GYPB: variants seen among roughly 807,000 people sequenced by gnomAD.
GYPB encodes the protein glycophorin B (MNS blood group).
A neutral mutation model predicts 15.3 loss-of-function variants in GYPB; 13 were observed. That is an observed-to-expected ratio of 0.85 (90% confidence interval 0.55 to 1.35). The LOEUF is 1.35. GYPB is among the 40% of genes most tolerant of loss of function. GYPB has a pLI of 0.00. For synonymous variants in GYPB, 38 were observed against 36.9 expected (o/e 1.03, Z -0.11); for missense variants, 131 against 108.3 (o/e 1.21, Z -0.93).
chr4:143,996,152 A>G lies in GYPB; in HGVS notation c.*147T>C. The G allele has an allele frequency of 2.0e-6, 3 of 1,508,544 alleles. No homozygotes were observed. Among genetic ancestry groups the G allele is most frequent in the Non-Finnish European group, 2.7e-6 (3 of 1,121,052 alleles). 93.4% of individuals were successfully genotyped at this position (1,508,544 alleles called of 1,614,324 possible). On this transcript the variant is annotated 3_prime_UTR_variant, in exon 5 of 5. Transcript: ENST00000502664. The stretch of plus-strand genomic sequence containing the variant: ...TTTATTTAGAAGTAGAGAATACAGT[A>G]ATAGTGAGGCAGGAGAACAGGGAAT...
At chr4:144,008,903 A>G (rs1271767582) in intron 1 of GYPB, among the ~76,000 whole-genome samples, 2 of 151,406 alleles carry the variant, frequency 1.3e-5, no homozygotes, top group Non-Finnish European at 2.9e-5. Context: ...GGTAATATAG[A>G]TTAATATATG....
At chr4:144,000,971 TA>T in intron 2 of GYPB, among the ~76,000 whole-genome samples, 1 of 151,374 alleles carries the variant, frequency 6.6e-6, no homozygotes, top group East Asian at 1.9e-4. Flanking sequence ...CACATTGTTT[TA>T]ATTTCTTTAA....
At chr4:143,996,890 T>C (rs1209503913) in intron 4 of GYPB, among the ~76,000 whole-genome samples, 13 of 151,016 alleles carry the variant, frequency 8.6e-5, no homozygotes. Flanking sequence ...GCAAAAGTTT[T>C]ATTTTATTTT....
intron 2 of GYPB, 88 bp downstream of exon 2, chr4:144,001,097 T>G (rs1258191026): frequency 3.4e-5 from 54 of 1,604,558 alleles, no homozygotes; most frequent in Non-Finnish European, 4.2e-5. Context: ...GTTTGTCAGT[T>G]TCTCTGCAGT....
At chr4:144,001,983 A>AG (rs932561756) in intron 1 of GYPB, among the ~76,000 whole-genome samples, 3 of 149,634 alleles carry the variant, frequency 2.0e-5, no homozygotes, top group Non-Finnish European at 3.0e-5. Context: ...AAAAAAAAAA[A>AG]AAAAAACCAC....
intron 1 of GYPB, chr4:144,002,595 C>G: frequency 7.8e-7 from 1 of 1,287,150 alleles, no homozygotes; most frequent in Non-Finnish European, 1.0e-6. Flanking sequence ...TGGAGACATT[C>G]AAATGAGGGG....
chr4:144,006,010 A>C (rs4582111), intron 1 of GYPB, among the ~76,000 whole-genome samples: 147,279 of 150,694 alleles, frequency 0.98, 72,227 homozygotes, highest in South Asian at 1. Context: ...ATAAGAGTTT[A>C]ATGATTAAGT....
At chr4:144,001,848 A>G (rs968725690) in intron 1 of GYPB, among the ~76,000 whole-genome samples, 2 of 150,784 alleles carry the variant, frequency 1.3e-5, no homozygotes, top group Non-Finnish European at 2.9e-5. Flanking sequence ...TACTTCTTCA[A>G]TAAAAGTGGA....
intron 1 of GYPB, among the ~76,000 whole-genome samples, chr4:144,015,479 G>A (rs1487390953): frequency 1.8e-4 from 28 of 151,388 alleles, no homozygotes; most frequent in African/African-American, 4.9e-4. Flanking sequence ...TTTGCAGTTG[G>A]TGTCAAAATA....
intron 1 of GYPB, among the ~76,000 whole-genome samples, chr4:144,005,072 A>G (rs1357101730): frequency 4.6e-5 from 7 of 151,968 alleles, no homozygotes; most frequent in Non-Finnish European, 7.3e-5. Flanking sequence ...AGCTTTCAAA[A>G]ATCTACTTGT....
intron 1 of GYPB, among the ~76,000 whole-genome samples, chr4:144,008,128 A>G (rs189395868): frequency 1.3e-5 from 2 of 151,718 alleles, no homozygotes; most frequent in African/African-American, 4.9e-5. Context: ...GGAGGAAAAG[A>G]AAACATCAGA....
In GYPB at chr4:144,001,261, T is replaced by C. The variant is rs185195348; in HGVS notation, c.60A>G (p.Leu20=). The change falls in exon 2 of 5, where the codon TTA becomes TTG. Residue 20 remains leucine, a synonymous_variant. Coordinates refer to ENST00000502664, the MANE Select transcript of GYPB (RefSeq NM_002100.6). ...TGTGCATTGCCACCTCAGTGGTACT[T>C]AATGCTGATATGCTCACAATTTCTG... is the stretch of plus-strand genomic sequence containing the variant. ...LLSEIVSISA[L]STTEVAMHTS... 1.7e-3 allele frequency: 2,758 copies of C among 1,611,154 alleles called. 211 individuals are homozygous for C. The African/African-American group carries it at 0.034, about 20-fold the overall frequency.
At chr4:144,008,545 A>G in intron 1 of GYPB, 1 of 454,474 alleles carries the variant, frequency 2.2e-6, no homozygotes. Context: ...AGCATATTCC[A>G]ATCTGGTCAC....
intron 1 of GYPB, among the ~76,000 whole-genome samples, chr4:144,009,676 C>T (rs1411412795): frequency 2.6e-5 from 3 of 116,090 alleles, no homozygotes; most frequent in Admixed American, 1.2e-4. Context: ...TGCAGTGGCC[C>T]GATCTCCGCT....
intron 1 of GYPB, among the ~76,000 whole-genome samples, chr4:144,011,332 A>T (rs139549519): frequency 6.6e-6 from 1 of 151,306 alleles, no homozygotes; most frequent in Non-Finnish European, 1.5e-5. Context: ...GTGAGCCGAG[A>T]TCGTGCCACT....
chr4:144,003,265 A>T (rs1405354502), intron 1 of GYPB, among the ~76,000 whole-genome samples: 1 of 151,396 alleles, frequency 6.6e-6, no homozygotes, highest in Non-Finnish European at 1.5e-5. Context: ...ATTTAGGGAA[A>T]ATCACTGTCA....
At chr4:144,010,246 T>G (rs1013396376) in intron 1 of GYPB, among the ~76,000 whole-genome samples, 1 of 151,234 alleles carries the variant, frequency 6.6e-6, no homozygotes, top group Non-Finnish European at 1.5e-5. Context: ...AGAGGATCCC[T>G]TGAGGCCAGG....
intron 1 of GYPB, among the ~76,000 whole-genome samples, chr4:144,003,038 T>C (rs143572717): frequency 0.014 from 2,100 of 151,494 alleles, 151 homozygotes; most frequent in African/African-American, 0.049. Context: ...AATATAAAAA[T>C]GAATGCTTTT....
intron 1 of GYPB, among the ~76,000 whole-genome samples, chr4:144,014,451 A>G (rs1459511206): frequency 6.6e-6 from 1 of 151,798 alleles, no homozygotes; most frequent in African/African-American, 2.4e-5. Context: ...ATGGAATAAC[A>G]TTTATTATAA....
Sources: gnomAD v4.1 joint callset for allele counts (sites outside exome capture counted in the v4.1 genomes callset) on GRCh38, gnomAD v4.1.1 for gene constraint, MANE v1.5 for transcripts, NCBI Gene and HGNC (gene_info 2026-07-23, HGNC 2026-07-21) for gene names.